The following ANKRD1 variants were observed in gnomAD, a reference collection of about 807,000 sequenced individuals.
The protein encoded by ANKRD1 is ankyrin repeat domain 1, also known as ankyrin repeat domain-containing protein 1.
A neutral mutation model predicts 40.1 loss-of-function variants in ANKRD1; 32 were observed. That is an observed-to-expected ratio of 0.80 (90% CI 0.60 to 1.07). ANKRD1 has a LOEUF of 1.07. Ranked by LOEUF, ANKRD1 falls within the 50% of genes least tolerant of loss-of-function variation. The pLI is 0.00. For missense variants in ANKRD1, 359 were observed against 386.0 expected (o/e 0.93, Z 0.59); for synonymous variants, 149 against 141.2 (o/e 1.06, Z -0.39).
chr10:90,915,867 G>A lies in ANKRD1; in HGVS notation c.665C>T (p.Ala222Val), dbSNP rs1847364807. 6.2e-7 allele frequency: 1 copy of A among 1,610,906 alleles called. No homozygotes were observed. The highest frequency in any genetic ancestry group is 1.4e-5 in the African/African-American group (1 of 73,622). ...ISARDKLLST[A>V]LHVAVRTGHY... ...GCCAGTCCTCACCGCCACATGCAGCGCTGTGCTGAGCAACTGGAAAATTGG... is the reference window on the plus strand; with the variant it reads ...GCCAGTCCTCACCGCCACATGCAGCACTGTGCTGAGCAACTGGAAAATTGG... The change falls in exon 7 of 9, where the codon GCG (alanine) becomes GTG (valine). Residue 222 changes from alanine to valine, a missense_variant. Coordinates refer to ENST00000371697, the MANE Select transcript of ANKRD1 (RefSeq NM_014391.3).
chr10:90,917,346 TAA>T (rs1364586185), intron 5 of ANKRD1, among the ~76,000 whole-genome samples: 2 of 152,240 alleles, frequency 1.3e-5, no homozygotes, highest in Non-Finnish European at 2.9e-5. Flanking sequence ...ATCTATCATA[TAA>T]AGTGTGCAGC....
intron 2 of ANKRD1, among the ~76,000 whole-genome samples, chr10:90,919,781 C>T (rs983860728): frequency 9.2e-5 from 14 of 152,166 alleles, no homozygotes; most frequent in Admixed American, 2.6e-4. Context: ...GGAAAATTCA[C>T]CCAGAAACAC....
At chr10:90,917,345 A>G (rs1375141498) in intron 5 of ANKRD1, among the ~76,000 whole-genome samples, 1 of 152,246 alleles carries the variant, frequency 6.6e-6, no homozygotes, top group Non-Finnish European at 1.5e-5. Flanking sequence ...CATCTATCAT[A>G]TAAAGTGTGC....
chr10:90,917,873 A>G, intron 4 of ANKRD1, 43 bp from the exon 5 acceptor site: 1 of 1,523,566 alleles, frequency 6.6e-7, no homozygotes, highest in Non-Finnish European at 9.1e-7. Flanking sequence ...AATAAATATA[A>G]AAATGTGTGT....
Position 90,916,275 on chromosome 10 carries a change from C to A in ANKRD1, c.553-6G>T. The A allele has an allele frequency of 6.2e-7, 1 of 1,608,120 alleles. No homozygotes were observed. ...TGGATGGCTGTGGATTCAAGCTATA[C>A]CGGGAGGGAAGACCCGACAATGTGA... On this transcript the variant is annotated splice_polypyrimidine_tract_variant and splice_region_variant and intron_variant, in intron 5 of 8. Transcript: ENST00000371697.
At position 90,915,568 on chromosome 10, in the gene ANKRD1, C is replaced by G; in HGVS notation, c.824G>C (p.Gly275Ala). 6.2e-7 allele frequency: 1 copy of G among 1,614,004 alleles called. No homozygotes were observed. Among genetic ancestry groups the G allele is most frequent in the Non-Finnish European group, 8.5e-7 (1 of 1,179,982 alleles). ...YKMIRLLIMY[G>A]ADLNIKNCAG... ...ACAGTTCTTGATGTTGAGATCCGCGCCATACATAATCAGGAGTCGGATCAT... is the reference window on the plus strand; with the variant it reads ...ACAGTTCTTGATGTTGAGATCCGCGGCATACATAATCAGGAGTCGGATCAT... Residue 275 changes from glycine (G) to alanine (A), a missense_variant, in exon 8 of 9, where the codon GGC becomes GCC. Transcript: ENST00000371697.
At chr10:90,916,969 C>T (rs1847380073) in intron 5 of ANKRD1, among the ~76,000 whole-genome samples, 1 of 152,138 alleles carries the variant, frequency 6.6e-6, no homozygotes. Flanking sequence ...CCTCTCCTCA[C>T]TGATCTATGT....
chr10:90,918,777 T>C, intron 4 of ANKRD1, 88 bp downstream of exon 4: 1 of 1,111,156 alleles, frequency 9.0e-7, no homozygotes, highest in Non-Finnish European at 1.3e-6. Context: ...GTGGAAGGAC[T>C]TTGGCACTAT....
chr10:90,915,653 G>C lies in ANKRD1; in HGVS notation c.751-12C>G. 1 of 1,613,136 alleles carries C rather than the reference G, an allele frequency of 6.2e-7. No individual in the cohort carries two copies. Among genetic ancestry groups the C allele is most frequent in the Non-Finnish European group, 8.5e-7 (1 of 1,179,442 alleles). ...GGGGTATCTCCTTCCTAGAGAAGCAGAGTCAACAGGTTCAAGGTGGGTCTG... is the reference window on the plus strand; with the variant it reads ...GGGGTATCTCCTTCCTAGAGAAGCACAGTCAACAGGTTCAAGGTGGGTCTG... On this transcript the variant is annotated splice_polypyrimidine_tract_variant and intron_variant, in intron 7 of 8. Coordinates refer to ENST00000371697, the MANE Select transcript of ANKRD1 (RefSeq NM_014391.3).
chr10:90,915,564 C>A lies in ANKRD1; in HGVS notation c.828G>T (p.Ala276=), dbSNP rs758904122. ...KMIRLLIMYG[A]DLNIKNCAGK... is the part of the protein sequence containing the mutation. ...TTACACAGTTCTTGATGTTGAGATC[C>A]GCGCCATACATAATCAGGAGTCGGA... The change falls in exon 8 of 9, where the codon GCG becomes GCT. Residue 276 remains alanine (A), a synonymous_variant. Coordinates refer to ENST00000371697, the MANE Select transcript of ANKRD1 (RefSeq NM_014391.3). 6.2e-7 allele frequency: 1 copy of A among 1,613,930 alleles called. No individual in the cohort carries two copies. Among genetic ancestry groups the A allele is most frequent in the East Asian group, 2.2e-5 (1 of 44,848 alleles).
chr10:90,913,119 T>G, intron 8 of ANKRD1, 143 bp from the exon 9 acceptor site: 2 of 814,484 alleles, frequency 2.5e-6, no homozygotes, highest in Non-Finnish European at 4.2e-6. Context: ...ATCTGCAGTT[T>G]ATACTCAAAC....
Position 90,918,219 on chromosome 10 carries a change from T to G in ANKRD1, c.454-389A>C, listed in dbSNP as rs190157344. 9.1e-4 allele frequency among the ~76,000 whole-genome samples: 138 copies of G among 152,304 alleles called. 1 individual carries two copies. The highest frequency in any genetic ancestry group is 3.2e-3 in the African/African-American group (131 of 41,582). ...TAGACTATCAAAAAGTTTCCATTCA[T>G]TTTTAGGAGAATGGGAGACATGTTT... is the stretch of plus-strand genomic sequence containing the variant. On this transcript the variant is annotated intron_variant, in intron 4 of 8. Transcript: ENST00000371697.
chr10:90,915,462 T>C, intron 8 of ANKRD1, 81 bp downstream of exon 8: 1 of 1,219,662 alleles, frequency 8.2e-7, no homozygotes, highest in Non-Finnish European at 1.2e-6. Context: ...ACTGCCATTG[T>C]GGGAGTCGTT....
chr10:90,915,677 T>C, intron 7 of ANKRD1, 36 bp from the exon 8 acceptor site: 1 of 1,610,482 alleles, frequency 6.2e-7, no homozygotes, highest in Non-Finnish European at 8.5e-7. Context: ...AAGGTGGGTC[T>C]GAGGCCAGGA....
intron 2 of ANKRD1, 98 bp downstream of exon 2, chr10:90,920,071 T>G: frequency 1.3e-6 from 2 of 1,534,428 alleles, no homozygotes; most frequent in Non-Finnish European, 1.8e-6. Flanking sequence ...AGAGACATCT[T>G]AATGATTGGG....
chr10:90,919,481 CT>C (rs910914429), intron 2 of ANKRD1, among the ~76,000 whole-genome samples: 1 of 152,208 alleles, frequency 6.6e-6, no homozygotes, highest in African/African-American at 2.4e-5. Context: ...TTGCCATCAT[CT>C]TTACTTCTGT....
At position 90,918,991 on chromosome 10, in the gene ANKRD1, AATATAT is replaced by A. The variant is rs60406118; in HGVS notation, c.346-25_346-20del. The A allele has an allele frequency of 7.1e-5, 19 of 269,488 alleles. No individual in the cohort carries two copies. The highest frequency in any genetic ancestry group is 1.7e-4 in the Admixed American group (1 of 5,792). The allele number at this position is 269,488 out of a possible 1,614,324, so 16.7% of individuals were successfully genotyped here. A position where few individuals can be genotyped will look rare whatever the true frequency, so the allele number is the denominator to read the frequency against. Reference sequence around the variant, plus strand: ...GTTCCGTCTAAAGCCAAAATAAATAAATATATATATATATATATATATATAGCATGA... The same window carrying A: ...GTTCCGTCTAAAGCCAAAATAAATAAATATATATATATATATATAGCATGA... On this transcript the variant is annotated intron_variant, in intron 3 of 8. Transcript: ENST00000371697.
rs1261788768 is a variant in ANKRD1, at chr10:90,915,533, C to T, written c.849+10G>A. 7 of 1,611,706 alleles carry T rather than the reference C, an allele frequency of 4.3e-6. No individual in the cohort carries two copies. In the African/African-American group the frequency reaches 6.7e-5, roughly 15 times the overall value. On this transcript the variant is annotated intron_variant, in intron 8 of 8. Transcript: ENST00000371697. Reference sequence around the variant, plus strand: ...GCTTGCAAGCGGTGTTTCTTGTTTCCAGTACTTACACAGTTCTTGATGTTG... The same window carrying T: ...GCTTGCAAGCGGTGTTTCTTGTTTCTAGTACTTACACAGTTCTTGATGTTG...
intron 8 of ANKRD1, among the ~76,000 whole-genome samples, chr10:90,914,686 A>G (rs1306252191): frequency 1.3e-5 from 2 of 151,286 alleles, no homozygotes; most frequent in Non-Finnish European, 2.9e-5. Context: ...AAGGGGAGAA[A>G]ATTATTTGCA....
Sources: allele counts gnomAD v4.1 joint callset (sites outside exome capture counted in the v4.1 genomes callset), GRCh38; gene constraint gnomAD v4.1.1; transcripts MANE v1.5; gene names NCBI Gene and HGNC (gene_info 2026-07-23, HGNC 2026-07-21).